The following NCOR2 variants were observed in gnomAD, a reference collection of about 807,000 sequenced individuals.
NCOR2 encodes the protein nuclear receptor corepressor 2.
A neutral mutation model predicts 262.9 loss-of-function variants in NCOR2; 81 were observed. The observed-to-expected ratio is 0.31, with a 90% CI of 0.26 to 0.37. The LOEUF (loss-of-function observed/expected upper bound fraction) is 0.37. Among genes scored for constraint, NCOR2 ranks in the 10% least tolerant of loss-of-function variants. The pLI is 1.00. For missense variants in NCOR2, 3,385 were observed against 3,621.4 expected (o/e 0.93, Z 1.68); for synonymous variants, 1,659 against 1,559.3 (o/e 1.06, Z -1.51).
At chr12:124,387,307 C>A (rs1260241264) in intron 16 of NCOR2, among the ~76,000 whole-genome samples, 1 of 137,378 alleles carries the variant, frequency 7.3e-6, no homozygotes, top group Non-Finnish European at 1.5e-5. Flanking sequence ...AAAACAACAG[C>A]AGCAGAAACA....
chr12:124,335,985 G>T (rs189693463), intron 38 of NCOR2: 2 of 263,444 alleles, frequency 7.6e-6, no homozygotes, highest in Non-Finnish European at 1.5e-5. Context: ...TGTGTGGGGC[G>T]GAGTGAGAAG....
intron 6 of NCOR2, 78 bp from the exon 9 acceptor site, chr12:124,449,945 G>A (rs2045416266): frequency 1.4e-6 from 2 of 1,466,236 alleles, no homozygotes; most frequent in Admixed American, 3.6e-5. Flanking sequence ...AGGAGCCACA[G>A]CCCTGGCACG....
chr12:124,500,726 C>CGGCAGGATGA (rs1162921411), intron 1 of NCOR2, among the ~76,000 whole-genome samples: 1 of 151,718 alleles, frequency 6.6e-6, no homozygotes, highest in African/African-American at 2.4e-5. Context: ...TCTCCAGCTC[C>CGGCAGGATGA]GGCAGGATGA....
At position 124,448,903 on chromosome 12, in the gene NCOR2, C is replaced by T. The variant is rs1043463582; in HGVS notation, c.815+912G>A. The stretch of plus-strand genomic sequence containing the variant: ...GCCTCCCTTTGCAGCCACACTCAAA[C>T]GCCTGTACCCTCTCACCATGACGAA... On this transcript the variant is annotated intron_variant, in intron 7 of 46. Coordinates refer to ENST00000405201, the Ensembl canonical transcript of NCOR2. Among the ~76,000 whole-genome samples the T allele has an allele frequency of 5.9e-5, 9 of 152,210 alleles. No individual in the cohort carries two copies. In the East Asian group the frequency reaches 7.7e-4, roughly 13 times the overall value.
intron 1 of NCOR2, among the ~76,000 whole-genome samples, chr12:124,552,182 A>T (rs1333867729): frequency 6.6e-6 from 1 of 152,004 alleles, no homozygotes; most frequent in Non-Finnish European, 1.5e-5. Flanking sequence ...CTGGCAGAGC[A>T]TGGTGACATG....
At chr12:124,474,055 G>A (rs770603620) in intron 3 of NCOR2, among the ~76,000 whole-genome samples, 53 of 152,154 alleles carry the variant, frequency 3.5e-4, no homozygotes, top group African/African-American at 7.0e-4. Context: ...CTCCCTGTTC[G>A]CGTAACACAC....
intron 16 of NCOR2, chr12:124,388,950 A>T: frequency 1.2e-5 from 4 of 336,302 alleles, no homozygotes; most frequent in Non-Finnish European, 2.1e-5. Flanking sequence ...GGCGGGCGGG[A>T]GGCAGCTCCT....
chr12:124,371,760 C>A (rs935859038), intron 20 of NCOR2, among the ~76,000 whole-genome samples: 3 of 152,144 alleles, frequency 2.0e-5, no homozygotes, highest in African/African-American at 7.2e-5. Context: ...CACTCTCTCC[C>A]TAGCGCTGCC....
intron 1 of NCOR2, among the ~76,000 whole-genome samples, chr12:124,487,219 G>A (rs779893518): frequency 2.6e-5 from 4 of 152,306 alleles, no homozygotes; most frequent in Admixed American, 1.3e-4. Flanking sequence ...AACGAGGCTC[G>A]GGCCTCACTC....
chr12:124,407,098 G>C (rs2042316497), intron 13 of NCOR2, among the ~76,000 whole-genome samples: 1 of 152,162 alleles, frequency 6.6e-6, no homozygotes, highest in African/African-American at 2.4e-5. Flanking sequence ...TGGGCTGGGG[G>C]TTCACAGCCT....
rs2045935636 is a variant in NCOR2, at chr12:124,457,391, G to A, written c.706-229C>T. ...GGCCCCAGCAAGCCAGCCAAGTTTC[G>A]ATTTTAGCAAATGCGCCGGGTCCAC... is the stretch of plus-strand genomic sequence containing the variant. On this transcript the variant is annotated intron_variant, in intron 5 of 46. Transcript: ENST00000405201. The surrounding 1 kb of genome is among the most constrained non-coding windows in gnomAD (Gnocchi z 4.0). 1.3e-5 allele frequency among the ~76,000 whole-genome samples: 2 copies of A among 151,898 alleles called. No homozygotes were observed. Among genetic ancestry groups the A allele is most frequent in the African/African-American group, 4.8e-5 (2 of 41,328 alleles).
intron 16 of NCOR2, chr12:124,388,674 C>A (rs1294323810): frequency 7.7e-7 from 1 of 1,304,350 alleles, no homozygotes; most frequent in African/African-American, 1.5e-5. Context: ...TCCCCAGGAC[C>A]ACTCACTCAC....
At chr12:124,385,958 T>G in intron 16 of NCOR2, 71 bp from the exon 19 acceptor site, 5 of 1,546,196 alleles carry the variant, frequency 3.2e-6, no homozygotes, top group Non-Finnish European at 4.4e-6. Context: ...ATCCATGGCC[T>G]GGGCGGCAAA....
chr12:124,422,681 C>A, intron 11 of NCOR2, 126 bp from the exon 14 acceptor site: 588 of 886,036 alleles, frequency 6.6e-4, no homozygotes, highest in Middle Eastern at 1.4e-3. Context: ...CCACTTGGAG[C>A]AATTAAGCCC....
At chr12:124,367,488 G>A (rs1012730370) in intron 20 of NCOR2, among the ~76,000 whole-genome samples, 1 of 152,192 alleles carries the variant, frequency 6.6e-6, no homozygotes, top group Non-Finnish European at 1.5e-5. Flanking sequence ...ACCAATAGTG[G>A]AGGAGGAAGG....
intron 13 of NCOR2, among the ~76,000 whole-genome samples, chr12:124,416,418 T>A (rs973702474): frequency 6.6e-6 from 1 of 152,172 alleles, no homozygotes; most frequent in African/African-American, 2.4e-5. Flanking sequence ...GAGGGCCCCA[T>A]CCCTGTCCGC....
intron 3 of NCOR2, among the ~76,000 whole-genome samples, chr12:124,477,645 G>C (rs1007972958): frequency 2.0e-5 from 3 of 152,228 alleles, no homozygotes; most frequent in Non-Finnish European, 4.4e-5. Flanking sequence ...AACTGAAAAA[G>C]AAGAGGCAAA....
At chr12:124,553,094 G>C (rs956646991) in intron 1 of NCOR2, among the ~76,000 whole-genome samples, 2 of 152,222 alleles carry the variant, frequency 1.3e-5, no homozygotes, top group African/African-American at 4.8e-5. Context: ...GACTCTAGGG[G>C]AGAACCTGTC....
intron 20 of NCOR2, among the ~76,000 whole-genome samples, chr12:124,364,592 G>T (rs190259532): frequency 6.6e-6 from 1 of 152,228 alleles, no homozygotes; most frequent in African/African-American, 2.4e-5. Flanking sequence ...CTGGCAGAGC[G>T]TGCATTGGGG....
Sources: allele counts gnomAD v4.1 joint callset (sites outside exome capture counted in the v4.1 genomes callset), GRCh38; gene constraint gnomAD v4.1.1; non-coding constraint Gnocchi (gnomAD v3.1); transcripts MANE v1.5; gene names NCBI Gene and HGNC (gene_info 2026-07-23, HGNC 2026-07-21).